Variants in RABGEF1 observed in about 807,000 individuals in gnomAD.
RABGEF1 encodes RAB guanine nucleotide exchange factor 1.
Under a neutral mutation model 57.3 loss-of-function variants are expected in RABGEF1, and 26 were observed. The observed-to-expected ratio is 0.45, with a 90% confidence interval of 0.33 to 0.63. RABGEF1 has a LOEUF of 0.63. Among genes scored for constraint, RABGEF1 ranks in the 20% least tolerant of loss-of-function variants. The pLI, the probability that RABGEF1 is intolerant of heterozygous loss-of-function variation, is 0.02. For synonymous variants in RABGEF1, 185 were observed against 210.7 expected, an observed-to-expected ratio of 0.88 and a Z score of 1.06; for missense variants, 464 against 607.6, an observed-to-expected ratio of 0.76 and a Z score of 2.48.
chr7:66,702,829 C>G (rs1303324631), intron 1 of RABGEF1, among the ~76,000 whole-genome samples: 2 of 151,762 alleles, frequency 1.3e-5, no homozygotes, highest in Non-Finnish European at 1.5e-5. Context: ...GGTTGTTTGT[C>G]TTTTTGTTGT....
chr7:66,802,001 A>G (rs747716453), intron 7 of RABGEF1, among the ~76,000 whole-genome samples: 76 of 152,120 alleles, frequency 5.0e-4, no homozygotes, highest in Non-Finnish European at 9.4e-4. Context: ...CCTTGACCTC[A>G]CAGGCTCAAG....
chr7:66,728,291 C>A (rs113335450), intron 2 of RABGEF1, among the ~76,000 whole-genome samples: 1,647 of 152,270 alleles, frequency 0.011, 23 homozygotes, highest in African/African-American at 0.037. Context: ...CACTGGGTCC[C>A]CTTCCTGTCT....
At chr7:66,731,385 G>T (rs955251488) in intron 2 of RABGEF1, among the ~76,000 whole-genome samples, 1 of 152,106 alleles carries the variant, frequency 6.6e-6, no homozygotes, top group Non-Finnish European at 1.5e-5. Context: ...ACCGTGTGGG[G>T]TTGAGGCTCT....
chr7:66,671,028 T>TAG, the RABGEF1 span, among the ~76,000 whole-genome samples: 1 of 151,006 alleles, frequency 6.6e-6, no homozygotes, highest in Non-Finnish European at 1.5e-5. Flanking sequence ...TTTATATATA[T>TAG]ATATAGAGAG....
Position 66,771,943 on chromosome 7 carries a change from C to T in RABGEF1, c.44C>T (p.Ser15Leu), listed in dbSNP as rs772674778. Residue 15 changes from serine to leucine, a missense_variant, in exon 2 of 9, where the codon TCG (serine) becomes TTG (leucine). Physicochemically the swap from Ser to Leu is moderately radical, Grantham distance 145 (BLOSUM62 -2). This residue lies in a region of RABGEF1 where 17 missense variants were observed against 19.4 expected (regional missense o/e 0.88). Transcript: ENST00000284957. ...SERRGIHVDQ[S>L]DLLCKKGCGY... The stretch of plus-strand genomic sequence containing the variant: ...CGCCGAGGAATTCATGTGGATCAAT[C>T]GGATCTCCTGTGCAAGAAAGGATGT... 15 of 1,580,140 alleles carry T rather than the reference C, an allele frequency of 9.5e-6. No individual in the cohort carries two copies. The highest frequency in any genetic ancestry group is 1.4e-5 in the African/African-American group (1 of 73,300).
intron 2 of RABGEF1, among the ~76,000 whole-genome samples, chr7:66,715,694 G>A (rs1264970421): frequency 6.6e-6 from 1 of 151,922 alleles, no homozygotes; most frequent in Non-Finnish European, 1.5e-5. Context: ...ATTACAAACA[G>A]TTGTTAGGGG....
At chr7:66,766,018 TGGAAG>T (rs1369773867) in intron 1 of RABGEF1, among the ~76,000 whole-genome samples, 1 of 152,132 alleles carries the variant, frequency 6.6e-6, no homozygotes, top group African/African-American at 2.4e-5. Context: ...CCATTTCTCT[TGGAAG>T]GGAAGAAAAG....
At chr7:66,743,328 T>TAA (rs1165345920) in intron 1 of RABGEF1, among the ~76,000 whole-genome samples, 3 of 142,656 alleles carry the variant, frequency 2.1e-5, no homozygotes, top group Non-Finnish European at 4.6e-5. Context: ...GAAAAAAATT[T>TAA]AAAAAAAAAA....
the RABGEF1 span, among the ~76,000 whole-genome samples, chr7:66,657,524 C>T: frequency 2.0e-5 from 3 of 152,216 alleles, no homozygotes; most frequent in African/African-American, 7.2e-5. Context: ...TAAGCATCTA[C>T]CTTTAAAAAT....
Position 66,809,095 on chromosome 7 carries a change from T to G in RABGEF1, c.1287T>G (p.Asn429Lys). 3 of 1,614,130 alleles carry G rather than the reference T, an allele frequency of 1.9e-6. No homozygotes were observed. Among genetic ancestry groups the G allele is most frequent in the Non-Finnish European group, 1.7e-6 (2 of 1,180,012 alleles). Residue 429 changes from asparagine (N) to lysine (K), a missense_variant, in exon 9 of 9, where the codon AAT becomes AAG. Coordinates refer to ENST00000284957, the MANE Select transcript of RABGEF1 (RefSeq NM_014504.3). ...ATGAACGACAAGAAAGGATCATGAA[T>G]GAAGCCAAGAAACTGGAAAAAGACC... ...QLNERQERIM[N>K]EAKKLEKDLI...
At chr7:66,752,033 C>G (rs138990171) in intron 1 of RABGEF1, among the ~76,000 whole-genome samples, 2 of 152,024 alleles carry the variant, frequency 1.3e-5, no homozygotes, top group African/African-American at 4.8e-5. Flanking sequence ...TCTATATAAA[C>G]AAACCAAAAA....
chr7:66,800,120 T>C (rs558646211), intron 7 of RABGEF1, among the ~76,000 whole-genome samples: 8 of 152,354 alleles, frequency 5.3e-5, no homozygotes, highest in South Asian at 2.1e-4. Context: ...CATGTAGACA[T>C]TGTTAATGAA....
Position 66,746,781 on chromosome 7 carries a change from G to A in RABGEF1, c.-18+5989G>A, listed in dbSNP as rs146068723. The stretch of plus-strand genomic sequence containing the variant: ...TGGGAATATGGGCTCCTGCCACCAC[G>A]TCCGGCTAATTTTTTTTTTTGCTGG... On this transcript the variant is annotated intron_variant, in intron 1 of 8. Coordinates refer to ENST00000284957, the MANE Select transcript of RABGEF1 (RefSeq NM_014504.3). Among the ~76,000 whole-genome samples the A allele has an allele frequency of 1.8e-3, 244 of 138,222 alleles. 5 individuals are homozygous for A. The East Asian group carries it at 0.05, about 28-fold the overall frequency. 90.7% of individuals were successfully genotyped at this position (138,222 alleles called of 152,430 possible).
intron 2 of RABGEF1, among the ~76,000 whole-genome samples, chr7:66,715,204 T>C (rs1376311144): frequency 6.6e-6 from 1 of 152,140 alleles, no homozygotes; most frequent in African/African-American, 2.4e-5. Flanking sequence ...CCTAGCTCAC[T>C]GCATCCTCAA....
chr7:66,665,866 A>G, the RABGEF1 span, among the ~76,000 whole-genome samples: 1 of 152,176 alleles, frequency 6.6e-6, no homozygotes, highest in Non-Finnish European at 1.5e-5. Context: ...AGCCAGAGGA[A>G]AGGCGATTTC....
chr7:66,695,336 G>T (rs1358848647), intron 1 of RABGEF1, among the ~76,000 whole-genome samples: 1 of 152,086 alleles, frequency 6.6e-6, no homozygotes, highest in Admixed American at 6.6e-5. Flanking sequence ...CTCGAGAAAG[G>T]GTCTGAGATG....
Position 66,811,199 on chromosome 7 carries a change from C to CT in RABGEF1, c.*1921dup, listed in dbSNP as rs762600300. 6.6e-6 allele frequency: 1 copy of CT among 152,110 alleles called. No homozygotes were observed. 9.4% of individuals were successfully genotyped at this position (152,110 alleles called of 1,614,324 possible). A position where few individuals can be genotyped will look rare whatever the true frequency, so the allele number is the denominator to read the frequency against. ...CATATCAACTTCCCACAAAAGCTGA[C>CT]TTTTTTGGGTCTCTTACATATAAAG... On this transcript the variant is annotated 3_prime_UTR_variant, in exon 9 of 9. Transcript: ENST00000284957.
At chr7:66,735,294 C>G (rs1480490718) in intron 2 of RABGEF1, among the ~76,000 whole-genome samples, 1 of 152,194 alleles carries the variant, frequency 6.6e-6, no homozygotes, top group Non-Finnish European at 1.5e-5. Context: ...GTGTGTATCC[C>G]TGATCTCACT....
intron 1 of RABGEF1, among the ~76,000 whole-genome samples, chr7:66,766,683 G>A (rs62466856): frequency 0.039 from 5,992 of 151,866 alleles, 171 homozygotes; most frequent in East Asian, 0.085. Context: ...ATTACCACCC[G>A]TCGTCTTTCC....
Sources: gnomAD v4.1 joint callset for allele counts (sites outside exome capture counted in the v4.1 genomes callset) on GRCh38, gnomAD v4.1.1 for gene constraint, gnomAD v4.1.1 regional missense constraint, MANE v1.5 for transcripts, NCBI Gene and HGNC (gene_info 2026-07-23, HGNC 2026-07-21) for gene names.